The following CHST15 variants were observed in gnomAD, a reference collection of about 807,000 sequenced individuals.
CHST15 encodes the protein carbohydrate sulfotransferase 15.
In CHST15, 30 loss-of-function variants were observed where a neutral mutation model predicts 53.6. That is an observed-to-expected ratio of 0.56 (90% CI 0.42 to 0.76). The LOEUF (loss-of-function observed/expected upper bound fraction) is 0.76. Ranked by LOEUF, CHST15 falls within the 30% of genes least tolerant of loss-of-function variation. The probability of loss-of-function intolerance (pLI) is 0.00; values close to 1 mark genes in which losing one functional copy is unlikely to be tolerated. For synonymous variants in CHST15, 296 were observed against 289.8 expected, an observed-to-expected ratio of 1.02 and a Z score of -0.22; for missense variants, 627 against 740.5, an observed-to-expected ratio of 0.85 and a Z score of 1.78.
At chr10:124,035,002 TAGGGACCCTGGCTCTACCCCCTAAC>T (rs1564868730) in intron 5 of CHST15, among the ~76,000 whole-genome samples, 97 of 41,240 alleles carry the variant, frequency 2.4e-3, no homozygotes, top group African/African-American at 7.6e-3. Flanking sequence ...TACCCCCTAA[TAGGGACCCTGGCTCTACCCCCTAAC>T]AGGGACCCTG....
rs917657426 is a variant in CHST15 at position 124,039,390 on chromosome 10, G to A, written c.1034-719C>T. 4.6e-5 allele frequency among the ~76,000 whole-genome samples: 7 copies of A among 152,206 alleles called. No individual in the cohort carries two copies. In the South Asian group the frequency reaches 1.2e-3, roughly 27 times the overall value. ...CCTTCCAAAGCGTCAGGAGAAAGGA[G>A]GAGGGTGGGAACACTAACCCTTATG... is the stretch of plus-strand genomic sequence containing the variant. On this transcript the variant is annotated intron_variant, in intron 4 of 7. Transcript: ENST00000435907.
At chr10:124,083,105 C>A (rs1405797084) in intron 1 of CHST15, among the ~76,000 whole-genome samples, 1 of 152,118 alleles carries the variant, frequency 6.6e-6, no homozygotes, top group African/African-American at 2.4e-5. Context: ...TTCAGTAAAG[C>A]TGTTAAAGAA....
At chr10:124,055,902 G>A (rs1455840694) in intron 1 of CHST15, among the ~76,000 whole-genome samples, 5 of 152,104 alleles carry the variant, frequency 3.3e-5, no homozygotes, top group African/African-American at 4.8e-5. Flanking sequence ...AGAAACACCC[G>A]GAACCCCTCA....
At position 124,012,390 on chromosome 10, in the gene CHST15, C is replaced by A; in HGVS notation, c.1438G>T (p.Asp480Tyr). The A allele has an allele frequency of 6.2e-7, 1 of 1,614,092 alleles. No individual in the cohort carries two copies. The highest frequency in any genetic ancestry group is 8.5e-7 in the Non-Finnish European group (1 of 1,180,022). Residue 480 changes from aspartate (D) to tyrosine (Y), a missense_variant, in exon 7 of 8, where the codon GAT becomes TAT. Coordinates refer to ENST00000435907, the MANE Select transcript of CHST15 (RefSeq NM_001270764.2). ...KQQFLILRLE[D>Y]HASNVKYTMH... ...GTGTACTTGACGTTGGATGCATGAT[C>A]TTCCAGGCGAAGAATGAGAAACTGT...
chr10:124,042,168 G>T, intron 4 of CHST15, 133 bp downstream of exon 4: 6 of 782,428 alleles, frequency 7.7e-6, no homozygotes, highest in Non-Finnish European at 1.2e-5. Context: ...AGGTGGAGAA[G>T]TGGAGGCTCA....
At chr10:124,066,335 G>A (rs1376608121) in intron 1 of CHST15, among the ~76,000 whole-genome samples, 1 of 152,106 alleles carries the variant, frequency 6.6e-6, no homozygotes, top group Non-Finnish European at 1.5e-5. Context: ...CTAACACACT[G>A]CGAGTCTGGG....
intron 1 of CHST15, among the ~76,000 whole-genome samples, chr10:124,079,728 C>T (rs532119493): frequency 6.6e-6 from 1 of 152,340 alleles, no homozygotes; most frequent in South Asian, 2.1e-4. Flanking sequence ...AAGAACTTCC[C>T]CTTGAGGGGG....
chr10:124,044,414 G>A (rs1020948419), intron 3 of CHST15, among the ~76,000 whole-genome samples, 166 bp downstream of exon 3: 2 of 152,194 alleles, frequency 1.3e-5, no homozygotes, highest in South Asian at 4.1e-4. Flanking sequence ...GCTGGGAACC[G>A]AGTTCCAGAC....
At chr10:124,084,464 T>C (rs1949355312) in intron 1 of CHST15, among the ~76,000 whole-genome samples, 1 of 149,046 alleles carries the variant, frequency 6.7e-6, no homozygotes, top group African/African-American at 2.5e-5. Context: ...AGCTCCCCCA[T>C]ACCAGGGGCA....
intron 1 of CHST15, among the ~76,000 whole-genome samples, chr10:124,068,015 G>A (rs904212242): frequency 1.4e-4 from 21 of 152,180 alleles, no homozygotes; most frequent in Admixed American, 1.2e-3. Context: ...ATACATTGAG[G>A]CAATTATCCA....
In CHST15 at chr10:124,008,158, T is replaced by C; in HGVS notation, c.*1991A>G. On this transcript the variant is annotated 3_prime_UTR_variant, in exon 8 of 8. Transcript: ENST00000435907. The stretch of plus-strand genomic sequence containing the variant: ...TTACACCACATGTTATTCACATGCA[T>C]AGGAGTGCATAAGAAAAATCCCTTG... 8.1e-7 allele frequency: 1 copy of C among 1,230,894 alleles called. No individual in the cohort carries two copies. The highest frequency in any genetic ancestry group is 1.0e-6 in the Non-Finnish European group (1 of 987,640). 76.2% of individuals were successfully genotyped at this position (1,230,894 alleles called of 1,614,324 possible).
chr10:124,074,645 C>A lies in CHST15; in HGVS notation c.-513+18824G>T, dbSNP rs997387380. Among the ~76,000 whole-genome samples, 1 of 152,204 alleles carries A rather than the reference C, an allele frequency of 6.6e-6. No individual in the cohort carries two copies. Among genetic ancestry groups the A allele is most frequent in the Non-Finnish European group, 1.5e-5 (1 of 68,028 alleles). Reference sequence around the variant, plus strand: ...TTATGACCTGGAGCTCTCCAATGCACCCCGCGCCTCTGCCAGACTGGGCTC... The same window carrying A: ...TTATGACCTGGAGCTCTCCAATGCAACCCGCGCCTCTGCCAGACTGGGCTC... On this transcript the variant is annotated intron_variant, in intron 1 of 7. Transcript: ENST00000435907. This position sits in a 1 kb window ranked among gnomAD's most constrained non-coding sequence, Gnocchi z 4.4.
intron 1 of CHST15, among the ~76,000 whole-genome samples, chr10:124,083,542 A>G (rs2134227891): frequency 6.6e-6 from 1 of 152,266 alleles, no homozygotes; most frequent in Non-Finnish European, 1.5e-5. Flanking sequence ...GGAGGAGCTC[A>G]CAGTCACCCA....
intron 1 of CHST15, among the ~76,000 whole-genome samples, chr10:124,061,844 T>G (rs761799357): frequency 9.9e-5 from 15 of 151,734 alleles, no homozygotes; most frequent in Non-Finnish European, 1.6e-4. Context: ...TCAGGTGAAA[T>G]AGGGAATTGA....
intron 1 of CHST15, among the ~76,000 whole-genome samples, chr10:124,086,423 C>T (rs192994404): frequency 4.5e-4 from 68 of 152,334 alleles, no homozygotes; most frequent in African/African-American, 1.6e-3. Flanking sequence ...GTTTCTACAC[C>T]ATCCCAGGAA....
At chr10:124,018,312 T>C (rs773132724) in intron 6 of CHST15, among the ~76,000 whole-genome samples, 16 of 152,260 alleles carry the variant, frequency 1.1e-4, no homozygotes, top group Admixed American at 4.6e-4. Context: ...ACATTTTGTT[T>C]GTAATTACAG....
intron 6 of CHST15, among the ~76,000 whole-genome samples, chr10:124,013,239 G>C (rs1452255117): frequency 2.0e-5 from 3 of 152,204 alleles, no homozygotes; most frequent in Non-Finnish European, 4.4e-5. Context: ...CTAACACTGA[G>C]ATTGATGATG....
At chr10:124,015,003 G>A (rs1053516006) in intron 6 of CHST15, among the ~76,000 whole-genome samples, 2 of 151,928 alleles carry the variant, frequency 1.3e-5, no homozygotes, top group Non-Finnish European at 1.5e-5. Context: ...CCTGGCGCTC[G>A]GCTGCTTCTC....
intron 1 of CHST15, among the ~76,000 whole-genome samples, chr10:124,073,180 T>C (rs1193541858): frequency 6.6e-6 from 1 of 152,196 alleles, no homozygotes. Context: ...GTACTATTTG[T>C]AGGGCCAAAA....
Sources: gnomAD v4.1 joint callset for allele counts (sites outside exome capture counted in the v4.1 genomes callset) on GRCh38, gnomAD v4.1.1 for gene constraint, Gnocchi (gnomAD v3.1) non-coding constraint, MANE v1.5 for transcripts, NCBI Gene and HGNC (gene_info 2026-07-23, HGNC 2026-07-21) for gene names.